NKAIN2: variants seen among roughly 807,000 people sequenced by gnomAD.
NKAIN2 encodes the protein sodium/potassium transporting ATPase interacting 2.
Under a neutral mutation model 32.6 loss-of-function variants are expected in NKAIN2, and 14 were observed. The ratio of observed to expected loss-of-function variants is 0.43; its 90% confidence interval spans 0.28 to 0.67. The LOEUF (loss-of-function observed/expected upper bound fraction) is 0.67, where lower values mean the gene tolerates loss of function less well. Ranked by LOEUF, NKAIN2 falls within the 30% of genes least tolerant of loss-of-function variation. The pLI, the probability that NKAIN2 is intolerant of heterozygous loss-of-function variation, is 0.17. For synonymous variants in NKAIN2, 80 were observed against 87.2 expected, an observed-to-expected ratio of 0.92 and a Z score of 0.46; for missense variants, 198 against 258.3, an observed-to-expected ratio of 0.77 and a Z score of 1.60.
chr6:124,435,761 G>A (rs185603260), intron 3 of NKAIN2, among the ~76,000 whole-genome samples: 1 of 152,158 alleles, frequency 6.6e-6, no homozygotes, highest in Non-Finnish European at 1.5e-5. Flanking sequence ...TAATAACAAA[G>A]TGTTATATTT....
intron 1 of NKAIN2, among the ~76,000 whole-genome samples, chr6:124,049,140 G>A (rs1395358031): frequency 6.6e-6 from 1 of 151,988 alleles, no homozygotes; most frequent in African/African-American, 2.4e-5. Flanking sequence ...TTTCTCAAAT[G>A]TGGAAATTCC....
chr6:124,816,941 G>C, intron 5 of NKAIN2, among the ~76,000 whole-genome samples: 1 of 152,130 alleles, frequency 6.6e-6, no homozygotes, highest in East Asian at 1.9e-4. Flanking sequence ...AGAATTGACT[G>C]TTCCAGTTAC....
At chr6:124,376,336 G>C (rs1179069242) in intron 3 of NKAIN2, among the ~76,000 whole-genome samples, 4 of 152,024 alleles carry the variant, frequency 2.6e-5, no homozygotes, top group South Asian at 2.1e-4. Context: ...CAATTTTTAT[G>C]GTAAAGAACA....
At chr6:124,331,409 G>A (rs1414190940) in intron 2 of NKAIN2, among the ~76,000 whole-genome samples, 1 of 133,700 alleles carries the variant, frequency 7.5e-6, no homozygotes. Context: ...GATGCCTGTA[G>A]TCCCAACTAC....
intron 1 of NKAIN2, among the ~76,000 whole-genome samples, chr6:123,949,508 G>A (rs900540033): frequency 6.6e-6 from 1 of 151,780 alleles, no homozygotes; most frequent in East Asian, 1.9e-4. Context: ...CCTTATAGAG[G>A]TCTTTCACCC....
intron 1 of NKAIN2, among the ~76,000 whole-genome samples, chr6:124,158,425 A>C (rs1362279198): frequency 6.6e-6 from 1 of 152,224 alleles, no homozygotes; most frequent in Non-Finnish European, 1.5e-5. Flanking sequence ...TTCAGACCAT[A>C]ATAACACTGA....
chr6:124,239,395 C>T (rs1792952691), intron 1 of NKAIN2, among the ~76,000 whole-genome samples: 1 of 152,126 alleles, frequency 6.6e-6, no homozygotes, highest in African/African-American at 2.4e-5. Flanking sequence ...CCAAGCAGAC[C>T]TAATAGACAT....
intron 5 of NKAIN2, among the ~76,000 whole-genome samples, chr6:124,816,807 T>C (rs975619761): frequency 3.9e-5 from 6 of 152,222 alleles, no homozygotes; most frequent in African/African-American, 1.4e-4. Flanking sequence ...TATTTGACTT[T>C]CTTTCTCCTT....
At position 123,851,320 on chromosome 6, in the gene NKAIN2, G is replaced by T. The variant is rs533996453; in HGVS notation, c.54+47066G>T. The stretch of plus-strand genomic sequence containing the variant: ...GCTGGAGTGCAATGGTGCAATCTCG[G>T]CTCACTACAACCTCCGCCTCCTAGG... On this transcript the variant is annotated intron_variant, in intron 1 of 6. Coordinates refer to ENST00000368417, the MANE Select transcript of NKAIN2 (RefSeq NM_001040214.3). 4.5e-5 allele frequency among the ~76,000 whole-genome samples: 6 copies of T among 133,250 alleles called. No individual in the cohort carries two copies. In the East Asian group the frequency reaches 1.2e-3, roughly 27 times the overall value. 87.4% of individuals were successfully genotyped at this position (133,250 alleles called of 152,430 possible). A position where few individuals can be genotyped will look rare whatever the true frequency, so the allele number is the denominator to read the frequency against.
intron 3 of NKAIN2, among the ~76,000 whole-genome samples, chr6:124,415,298 A>T (rs978789010): frequency 1.3e-5 from 2 of 152,312 alleles, no homozygotes; most frequent in East Asian, 3.9e-4. Context: ...CTTGAAGTTG[A>T]CTAATTTTCT....
chr6:124,661,137 C>T (rs1214167948), intron 4 of NKAIN2, among the ~76,000 whole-genome samples: 2 of 152,192 alleles, frequency 1.3e-5, no homozygotes, highest in African/African-American at 2.4e-5. Flanking sequence ...AGCAACGTTC[C>T]CCAAAGCACA....
intron 1 of NKAIN2, among the ~76,000 whole-genome samples, chr6:123,818,553 A>G (rs1773795739): frequency 6.6e-6 from 1 of 152,206 alleles, no homozygotes; most frequent in Non-Finnish European, 1.5e-5. Flanking sequence ...AAGCATAATA[A>G]AACAGCAGAG....
intron 3 of NKAIN2, among the ~76,000 whole-genome samples, chr6:124,470,448 A>G (rs1026908983): frequency 6.6e-6 from 1 of 152,158 alleles, no homozygotes; most frequent in Non-Finnish European, 1.5e-5. Flanking sequence ...ACTAGACAAG[A>G]TGATGATGAA....
At position 124,474,514 on chromosome 6, in the gene NKAIN2, TGTA is replaced by T. The variant is rs947645113; in HGVS notation, c.273+119173_273+119175del. On this transcript the variant is annotated intron_variant, in intron 3 of 6. Coordinates refer to ENST00000368417, the MANE Select transcript of NKAIN2 (RefSeq NM_001040214.3). ...TGGTAGTTGTGCTCAGGATACCTGT[TGTA>T]GTAGTGTGTATGTGCACACACACAA... Among the ~76,000 whole-genome samples the T allele has an allele frequency of 9.9e-5, 15 of 152,250 alleles. No individual in the cohort carries two copies. The South Asian group carries it at 2.3e-3, about 23-fold the overall frequency.
rs140430168 is a variant in NKAIN2 at position 124,301,372 on chromosome 6, G to A, written c.192+18230G>A. ...GGTGTCCTGCAGGCGCAGAACCCTC[G>A]TGGGGAACCTCTGCTAGGGCAGTGC... On this transcript the variant is annotated intron_variant, in intron 2 of 6. Coordinates refer to ENST00000368417, the MANE Select transcript of NKAIN2 (RefSeq NM_001040214.3). Among the ~76,000 whole-genome samples the A allele has an allele frequency of 2.4e-3, 371 of 152,316 alleles. 3 individuals are homozygous for A. The highest frequency in any genetic ancestry group is 3.4e-3 in the Non-Finnish European group (233 of 68,024).
chr6:124,077,335 C>T (rs1360212226), intron 1 of NKAIN2, among the ~76,000 whole-genome samples: 1 of 152,136 alleles, frequency 6.6e-6, no homozygotes, highest in African/African-American at 2.4e-5. Flanking sequence ...AGTGTTTTTA[C>T]ATCCGTTTTC....
At chr6:124,439,721 C>T (rs1775611170) in intron 3 of NKAIN2, among the ~76,000 whole-genome samples, 2 of 151,694 alleles carry the variant, frequency 1.3e-5, no homozygotes, top group Admixed American at 1.3e-4. Context: ...AACAGTAACA[C>T]AAGCCTTGTT....
At chr6:124,453,322 AACACACACACACACAC>A (rs766482280) in intron 3 of NKAIN2, among the ~76,000 whole-genome samples, 10 of 63,876 alleles carry the variant, frequency 1.6e-4, no homozygotes, top group Non-Finnish European at 6.9e-5. Context: ...CATGCATATA[AACACACACACACACAC>A]ACACACACAC....
At chr6:124,490,075 C>T (rs58358350) in intron 3 of NKAIN2, among the ~76,000 whole-genome samples, 1 of 151,834 alleles carries the variant, frequency 6.6e-6, no homozygotes, top group African/African-American at 2.4e-5. Flanking sequence ...TTAATATATA[C>T]TGCTCTTACA....
Sources: allele counts gnomAD v4.1 joint callset (sites outside exome capture counted in the v4.1 genomes callset), GRCh38; gene constraint gnomAD v4.1.1; transcripts MANE v1.5; gene names NCBI Gene and HGNC (gene_info 2026-07-23, HGNC 2026-07-21).